Variants in BCAS3 observed in about 807,000 individuals in gnomAD.
The protein encoded by BCAS3 is BCAS3 microtubule associated cell migration factor.
BCAS3 carries 53 observed loss-of-function variants against 116.1 expected under a neutral mutation model. The ratio of observed to expected loss-of-function variants is 0.46; its 90% confidence interval spans 0.37 to 0.57. The LOEUF (loss-of-function observed/expected upper bound fraction) is 0.57, where lower values mean the gene tolerates loss of function less well. Among genes scored for constraint, BCAS3 ranks in the 20% least tolerant of loss-of-function variants. The pLI, the probability that BCAS3 is intolerant of heterozygous loss-of-function variation, is 0.00. For missense variants in BCAS3, 917 were observed against 1,165.4 expected (o/e 0.79, Z 3.10); for synonymous variants, 391 against 408.2 (o/e 0.96, Z 0.51).
chr17:60,864,496 A>G (rs1277506127), intron 7 of BCAS3, among the ~76,000 whole-genome samples: 1 of 152,240 alleles, frequency 6.6e-6, no homozygotes, highest in Admixed American at 6.5e-5. Context: ...TTTAGGCACT[A>G]CAATGGGTAG....
At chr17:60,822,271 C>CT (rs1193244256) in intron 7 of BCAS3, among the ~76,000 whole-genome samples, 1 of 152,064 alleles carries the variant, frequency 6.6e-6, no homozygotes, top group Non-Finnish European at 1.5e-5. Context: ...TTTATTAAGT[C>CT]TTTTTTATTT....
rs1436006283 is a variant in BCAS3, at chr17:61,130,738, C to G, written c.2425+46174C>G. 1 of 152,274 alleles carries G rather than the reference C, an allele frequency of 6.6e-6. No homozygotes were observed. The highest frequency in any genetic ancestry group is 1.5e-5 in the Non-Finnish European group (1 of 68,110). 9.4% of individuals were successfully genotyped at this position (152,274 alleles called of 1,614,324 possible). Reference sequence around the variant, plus strand: ...TAGCTGGGCTCCAACCAGTTCTGTTCTAGCTCCTGAAGTCAGCGTCAAGAA... The same window carrying G: ...TAGCTGGGCTCCAACCAGTTCTGTTGTAGCTCCTGAAGTCAGCGTCAAGAA... On this transcript the variant is annotated intron_variant, in intron 22 of 23. Transcript: ENST00000407086. This position sits in a 1 kb window ranked among gnomAD's most constrained non-coding sequence, Gnocchi z 5.0.
Position 61,095,628 on chromosome 17 carries a change from G to A in BCAS3, c.2425+11064G>A, listed in dbSNP as rs577502987. ...ACTCCAGGCATGCACCACCATGCCC[G>A]GCTAATTTTTGTATTTTTAGTAGAG... On this transcript the variant is annotated intron_variant, in intron 22 of 23. Transcript: ENST00000407086. This position sits in a 1 kb window ranked among gnomAD's most constrained non-coding sequence, Gnocchi z 4.7. Among the ~76,000 whole-genome samples the A allele has an allele frequency of 2.3e-4, 35 of 151,944 alleles. No homozygotes were observed. Among genetic ancestry groups the A allele is most frequent in the Middle Eastern group, 6.8e-3 (2 of 294 alleles).
rs138698405 is a variant in BCAS3, at chr17:61,276,340, G to A, written c.2426-91987G>A. ...TGCACTCCAGCCTGGGCTACAGGAC[G>A]AGACTCCATCTCAAAAACAAACAAA... On this transcript the variant is annotated intron_variant, in intron 22 of 23. Coordinates refer to ENST00000407086, the MANE Select transcript of BCAS3 (RefSeq NM_017679.5). The surrounding 1 kb of genome is among the most constrained non-coding windows in gnomAD (Gnocchi z 4.2). 4.4e-3 allele frequency among the ~76,000 whole-genome samples: 673 copies of A among 152,162 alleles called. 1 individual carries two copies. Among genetic ancestry groups the A allele is most frequent in the South Asian group, 0.015 (70 of 4,818 alleles).
chr17:60,870,117 A>G (rs2054971130), intron 8 of BCAS3, among the ~76,000 whole-genome samples: 1 of 152,210 alleles, frequency 6.6e-6, no homozygotes, highest in Non-Finnish European at 1.5e-5. Flanking sequence ...GTAGTCATCT[A>G]TATCTGAATT....
At chr17:61,078,226 A>G (rs1321814141) in intron 20 of BCAS3, 107 bp from the exon 21 acceptor site, 1 of 851,424 alleles carries the variant, frequency 1.2e-6, no homozygotes, top group Non-Finnish European at 1.8e-6. Flanking sequence ...CCACTTTAAC[A>G]TGGGCTTCTT....
intron 4 of BCAS3, among the ~76,000 whole-genome samples, chr17:60,699,702 T>G (rs754816071): frequency 2.6e-5 from 4 of 152,126 alleles, no homozygotes; most frequent in Non-Finnish European, 5.9e-5. Context: ...TTTTGATTTT[T>G]ATCTTTGAGA....
At chr17:60,700,019 A>T (rs1459353599) in intron 4 of BCAS3, among the ~76,000 whole-genome samples, 6 of 152,028 alleles carry the variant, frequency 3.9e-5, no homozygotes, top group African/African-American at 1.4e-4. Context: ...CAAAAAAATT[A>T]AAAAAGTAGC....
At chr17:60,693,671 A>T (rs1275617501) in intron 4 of BCAS3, among the ~76,000 whole-genome samples, 1 of 151,396 alleles carries the variant, frequency 6.6e-6, no homozygotes, top group Non-Finnish European at 1.5e-5. Context: ...CCTTTACCTC[A>T]TAAAGTACTG....
chr17:61,265,814 T>C lies in BCAS3; in HGVS notation c.2426-102513T>C, dbSNP rs1192413828. On this transcript the variant is annotated intron_variant, in intron 22 of 23. Coordinates refer to ENST00000407086, the MANE Select transcript of BCAS3 (RefSeq NM_017679.5). The surrounding 1 kb of genome is among the most constrained non-coding windows in gnomAD (Gnocchi z 4.3). ...ACCTTTGTTCTAAAAAAAAAATCTT[T>C]GACTCCACCATTTTTATAATAAACA... Among the ~76,000 whole-genome samples, 1 of 152,226 alleles carries C rather than the reference T, an allele frequency of 6.6e-6. No homozygotes were observed. The highest frequency in any genetic ancestry group is 1.5e-5 in the Non-Finnish European group (1 of 68,044).
intron 12 of BCAS3, among the ~76,000 whole-genome samples, chr17:60,914,115 C>G (rs1258489087): frequency 1.3e-5 from 2 of 152,100 alleles, no homozygotes; most frequent in Non-Finnish European, 2.9e-5. Flanking sequence ...GCTTATCCAC[C>G]TTGTATCAAT....
chr17:61,044,465 A>AAT (rs1555683922), intron 19 of BCAS3, among the ~76,000 whole-genome samples: 2,219 of 119,924 alleles, frequency 0.019, 191 homozygotes, highest in African/African-American at 0.081. Flanking sequence ...AAAAAAAAAA[A>AAT]ATATATATAT....
chr17:61,385,780 T>C (rs1438568189), intron 23 of BCAS3, among the ~76,000 whole-genome samples: 1 of 152,210 alleles, frequency 6.6e-6, no homozygotes, highest in African/African-American at 2.4e-5. Context: ...GAAAAATCGA[T>C]GCATGTCAAC....
At chr17:61,018,364 C>T (rs1294142446) in intron 16 of BCAS3, among the ~76,000 whole-genome samples, 2 of 128,462 alleles carry the variant, frequency 1.6e-5, no homozygotes, top group African/African-American at 5.9e-5. Context: ...TGCAATGGTG[C>T]GATCTCAGCT....
At chr17:60,882,015 C>T (rs2144954650) in intron 9 of BCAS3, among the ~76,000 whole-genome samples, 1 of 149,102 alleles carries the variant, frequency 6.7e-6, no homozygotes, top group South Asian at 2.1e-4. Context: ...GGAATCGCCA[C>T]ACTGACTTCC....
intron 20 of BCAS3, among the ~76,000 whole-genome samples, chr17:61,076,147 G>A (rs1041453258): frequency 6.6e-6 from 1 of 152,190 alleles, no homozygotes; most frequent in Non-Finnish European, 1.5e-5. Context: ...TTGGGCAGAT[G>A]TCAAAATGAT....
intron 4 of BCAS3, among the ~76,000 whole-genome samples, chr17:60,706,660 A>T (rs2037178014): frequency 6.6e-6 from 1 of 151,966 alleles, no homozygotes; most frequent in South Asian, 2.1e-4. Context: ...CCCCATCTCT[A>T]CTAAATATAC....
At chr17:60,853,588 C>A (rs145063116) in intron 7 of BCAS3, among the ~76,000 whole-genome samples, 1 of 152,168 alleles carries the variant, frequency 6.6e-6, no homozygotes, top group East Asian at 1.9e-4. Flanking sequence ...GAGATAATCA[C>A]GAGATAGTCA....
chr17:61,391,740 A>T lies in BCAS3; in HGVS notation c.2594-237A>T. The T allele has an allele frequency of 1.8e-6, 1 of 542,356 alleles. No homozygotes were observed. The highest frequency in any genetic ancestry group is 3.3e-6 in the Non-Finnish European group (1 of 303,406). 33.6% of individuals were successfully genotyped at this position (542,356 alleles called of 1,614,324 possible). A position where few individuals can be genotyped will look rare whatever the true frequency, so the allele number is the denominator to read the frequency against. ...TCGGGCCTAAAGGGCTTCCCGCAGCAGGGAGACGGTGCTCTCACACCAGAG... is the reference window on the plus strand; with the variant it reads ...TCGGGCCTAAAGGGCTTCCCGCAGCTGGGAGACGGTGCTCTCACACCAGAG... On this transcript the variant is annotated intron_variant, in intron 23 of 23. Coordinates refer to ENST00000407086, the MANE Select transcript of BCAS3 (RefSeq NM_017679.5). The surrounding 1 kb of genome is among the most constrained non-coding windows in gnomAD (Gnocchi z 7.7).
Sources: allele counts gnomAD v4.1 joint callset (sites outside exome capture counted in the v4.1 genomes callset), GRCh38; gene constraint gnomAD v4.1.1; non-coding constraint Gnocchi (gnomAD v3.1); transcripts MANE v1.5; gene names NCBI Gene and HGNC (gene_info 2026-07-23, HGNC 2026-07-21).